The following DPP10 variants were observed in gnomAD, a reference collection of about 807,000 sequenced individuals.
DPP10 encodes inactive dipeptidyl peptidase 10.
In DPP10, 33 loss-of-function variants were observed where a neutral mutation model predicts 120.9. The ratio of observed to expected loss-of-function variants is 0.27; its 90% CI spans 0.21 to 0.37. The LOEUF (loss-of-function observed/expected upper bound fraction) is 0.37, where lower values mean the gene tolerates loss of function less well. Among genes scored for constraint, DPP10 ranks in the 10% least tolerant of loss-of-function variants. The pLI is 1.00. For missense variants in DPP10, 816 were observed against 942.8 expected, an observed-to-expected ratio of 0.87 and a Z score of 1.76; for synonymous variants, 337 against 326.1, an observed-to-expected ratio of 1.03 and a Z score of -0.36.
chr2:115,041,052 G>A (rs1372624773), intron 1 of DPP10, among the ~76,000 whole-genome samples: 1 of 150,198 alleles, frequency 6.7e-6, no homozygotes, highest in Non-Finnish European at 1.5e-5. Context: ...CCGGGAAGCA[G>A]AGGTTGCAGT....
chr2:115,329,564 CT>C (rs1418219020), intron 2 of DPP10, among the ~76,000 whole-genome samples: 1 of 152,020 alleles, frequency 6.6e-6, no homozygotes, highest in Non-Finnish European at 1.5e-5. Context: ...TTAGGTATAT[CT>C]CCTAATGCTA....
intron 1 of DPP10, among the ~76,000 whole-genome samples, chr2:114,692,747 A>G (rs571219531): frequency 2.8e-4 from 42 of 152,200 alleles, no homozygotes; most frequent in African/African-American, 9.6e-4. Context: ...CACTTGCTTT[A>G]TGAATCTGGG....
chr2:115,340,132 A>G (rs912126422), intron 2 of DPP10, among the ~76,000 whole-genome samples: 2 of 152,224 alleles, frequency 1.3e-5, no homozygotes, highest in African/African-American at 4.8e-5. Flanking sequence ...TACATAGTAT[A>G]ATTAGTTGCT....
At chr2:115,379,977 G>T (rs2066170365) in intron 3 of DPP10, among the ~76,000 whole-genome samples, 1 of 152,168 alleles carries the variant, frequency 6.6e-6, no homozygotes, top group African/African-American at 2.4e-5. Context: ...TTCCAAGTAT[G>T]TGGTCAATTT....
chr2:114,818,086 A>G (rs534489612), intron 1 of DPP10, among the ~76,000 whole-genome samples: 2 of 152,304 alleles, frequency 1.3e-5, no homozygotes, highest in South Asian at 4.1e-4. Context: ...AGTAAAATTC[A>G]TCACCAAGAT....
At chr2:114,966,416 G>T (rs938102428) in intron 1 of DPP10, among the ~76,000 whole-genome samples, 3 of 152,090 alleles carry the variant, frequency 2.0e-5, no homozygotes, top group African/African-American at 7.2e-5. Flanking sequence ...TTGTTTCAAA[G>T]ACTCTGGCTT....
At chr2:114,789,420 T>G (rs912561934) in intron 1 of DPP10, among the ~76,000 whole-genome samples, 1 of 152,190 alleles carries the variant, frequency 6.6e-6, no homozygotes, top group Admixed American at 6.5e-5. Flanking sequence ...TCTGTCCCTC[T>G]CTCATAATCA....
At chr2:115,827,410 G>GTATA (rs1477286267) in intron 21 of DPP10, among the ~76,000 whole-genome samples, 3 of 97,236 alleles carry the variant, frequency 3.1e-5, no homozygotes, top group Non-Finnish European at 6.3e-5. Context: ...GTGTATGTGT[G>GTATA]TGTGTATATA....
At chr2:115,416,420 C>A (rs1039591408) in intron 3 of DPP10, among the ~76,000 whole-genome samples, 1 of 152,104 alleles carries the variant, frequency 6.6e-6, no homozygotes, top group Non-Finnish European at 1.5e-5. Context: ...TTTATAGCTG[C>A]CTCTGTAGGT....
intron 1 of DPP10, among the ~76,000 whole-genome samples, chr2:115,086,633 T>C (rs1708727944): frequency 6.6e-6 from 1 of 152,074 alleles, no homozygotes; most frequent in South Asian, 2.1e-4. Context: ...ATTTTTTGTA[T>C]TTTTAGTAGA....
intron 1 of DPP10, among the ~76,000 whole-genome samples, chr2:114,552,645 A>C (rs1687976533): frequency 6.6e-6 from 1 of 152,060 alleles, no homozygotes; most frequent in Admixed American, 6.5e-5. Flanking sequence ...TCCCAGGTTC[A>C]AGCAATTCTC....
chr2:114,456,764 A>C (rs562967671), intron 1 of DPP10, among the ~76,000 whole-genome samples: 1 of 152,242 alleles, frequency 6.6e-6, no homozygotes, highest in African/African-American at 2.4e-5. Flanking sequence ...TTTTCCCAGT[A>C]ATTAAAATAG....
At chr2:115,539,628 C>T (rs1350720309) in intron 5 of DPP10, among the ~76,000 whole-genome samples, 1 of 151,884 alleles carries the variant, frequency 6.6e-6, no homozygotes, top group South Asian at 2.1e-4. Flanking sequence ...ATGTGACTTT[C>T]CAACTAATAT....
At chr2:115,591,117 T>G (rs2082632476) in intron 5 of DPP10, among the ~76,000 whole-genome samples, 1 of 152,192 alleles carries the variant, frequency 6.6e-6, no homozygotes, top group South Asian at 2.1e-4. Flanking sequence ...GCCTGTTCAC[T>G]CTGATGGTAG....
intron 1 of DPP10, among the ~76,000 whole-genome samples, chr2:114,775,380 T>A (rs1681635235): frequency 6.6e-6 from 1 of 152,170 alleles, no homozygotes; most frequent in African/African-American, 2.4e-5. Context: ...ATTTCACTGA[T>A]TCTAAAAGGG....
At chr2:115,188,875 G>A (rs946297479) in intron 1 of DPP10, among the ~76,000 whole-genome samples, 5 of 151,482 alleles carry the variant, frequency 3.3e-5, no homozygotes, top group Non-Finnish European at 7.4e-5. Context: ...TTCACTGTAC[G>A]TCTATTTGTA....
intron 1 of DPP10, among the ~76,000 whole-genome samples, chr2:114,899,071 T>C (rs1693310438): frequency 6.6e-6 from 1 of 152,012 alleles, no homozygotes; most frequent in Admixed American, 6.6e-5. Context: ...TATGTTTTTT[T>C]TTTCTTTCCA....
intron 1 of DPP10, among the ~76,000 whole-genome samples, chr2:114,578,955 G>A (rs1001273317): frequency 6.6e-6 from 1 of 152,060 alleles, no homozygotes; most frequent in Non-Finnish European, 1.5e-5. Context: ...TCTAACATAG[G>A]CATCCAGCCT....
At chr2:115,109,534 C>A (rs77564725) in intron 1 of DPP10, among the ~76,000 whole-genome samples, 46 of 139,432 alleles carry the variant, frequency 3.3e-4, no homozygotes, top group East Asian at 4.2e-4. Context: ...GACTCCGTCT[C>A]AAAAAAAAAA....
Sources: gnomAD v4.1 joint callset for allele counts (sites outside exome capture counted in the v4.1 genomes callset) on GRCh38, gnomAD v4.1.1 for gene constraint, MANE v1.5 for transcripts, NCBI Gene and HGNC (gene_info 2026-07-23, HGNC 2026-07-21) for gene names.